CNTNAP4: variants seen among roughly 807,000 people sequenced by gnomAD.
CNTNAP4 encodes contactin associated protein family member 4.
CNTNAP4 carries 98 observed loss-of-function variants against 148.4 expected under a neutral mutation model. The observed-to-expected ratio is 0.66, with a 90% CI of 0.56 to 0.78. The LOEUF is 0.78. CNTNAP4 is among the 30% of genes least tolerant of loss of function. The pLI is 0.00. For synonymous variants in CNTNAP4, 730 were observed against 565.1 expected (o/e 1.29, Z -4.14); for missense variants, 1,935 against 1,565.6 (o/e 1.24, Z -3.98).
chr16:76,330,186 G>C (rs1339913535), intron 2 of CNTNAP4, among the ~76,000 whole-genome samples: 2 of 151,922 alleles, frequency 1.3e-5, no homozygotes, highest in Non-Finnish European at 2.9e-5. Context: ...GGTTCCTGGT[G>C]GTTTTTTAAA....
At chr16:76,325,378 C>T (rs941927423) in intron 2 of CNTNAP4, among the ~76,000 whole-genome samples, 1 of 152,074 alleles carries the variant, frequency 6.6e-6, no homozygotes, top group African/African-American at 2.4e-5. Context: ...ATTAAGTATA[C>T]TTAGAATATT....
At chr16:76,306,305 G>C (rs1448639944) in intron 1 of CNTNAP4, among the ~76,000 whole-genome samples, 1 of 152,126 alleles carries the variant, frequency 6.6e-6, no homozygotes, top group Non-Finnish European at 1.5e-5. Context: ...GCAGTTAGTT[G>C]GTTTTGATAT....
intron 1 of CNTNAP4, among the ~76,000 whole-genome samples, chr16:76,296,079 T>A (rs999497695): frequency 9.2e-5 from 14 of 152,216 alleles, no homozygotes; most frequent in African/African-American, 3.4e-4. Flanking sequence ...TTTTTGAGAT[T>A]GTGTGTGATT....
At chr16:76,467,598 C>G in intron 10 of CNTNAP4, 75 bp downstream of exon 10, 1 of 1,186,864 alleles carries the variant, frequency 8.4e-7, no homozygotes, top group South Asian at 1.6e-5. Context: ...ATAAGATGAA[C>G]AATTATTCTT....
intron 21 of CNTNAP4, among the ~76,000 whole-genome samples, chr16:76,542,713 T>C (rs866460581): frequency 1.3e-5 from 2 of 152,176 alleles, no homozygotes; most frequent in Non-Finnish European, 2.9e-5. Context: ...CACTTAAGCC[T>C]ACCTGCCACA....
rs144797032 is a variant in CNTNAP4, at chr16:76,436,989, C to CTATCTATCTATTTATCTATT, written c.538+9396_538+9397insTCTATTTATCTATTTATCTA. ...TCTATCTATCTATCTATCTATCTGT[C>CTATCTATCTATTTATCTATT]TATCTAGGAGTTTATTAAGGAGTAT... On this transcript the variant is annotated intron_variant, in intron 4 of 23. Coordinates refer to ENST00000611870, the MANE Select transcript of CNTNAP4 (RefSeq NM_033401.5). 2.3e-3 allele frequency among the ~76,000 whole-genome samples: 348 copies of CTATCTATCTATTTATCTATT among 151,412 alleles called. 8 individuals are homozygous for CTATCTATCTATTTATCTATT. Among genetic ancestry groups the CTATCTATCTATTTATCTATT allele is most frequent in the Admixed American group, 0.018 (269 of 15,184 alleles).
At chr16:76,312,111 C>G (rs755382129) in intron 1 of CNTNAP4, among the ~76,000 whole-genome samples, 34 of 152,054 alleles carry the variant, frequency 2.2e-4, no homozygotes, top group Non-Finnish European at 4.9e-4. Context: ...GTTGCTTTAC[C>G]AGATTCTAGA....
intron 8 of CNTNAP4, among the ~76,000 whole-genome samples, chr16:76,453,214 A>G (rs2080585977): frequency 6.6e-6 from 1 of 152,200 alleles, no homozygotes; most frequent in African/African-American, 2.4e-5. Context: ...ATATCTCTGT[A>G]TGAGTGTACA....
chr16:76,492,430 A>G (rs1160924095), intron 13 of CNTNAP4, among the ~76,000 whole-genome samples: 1 of 152,230 alleles, frequency 6.6e-6, no homozygotes, highest in Non-Finnish European at 1.5e-5. Context: ...AGAAAATACA[A>G]AAGAAGGATG....
chr16:76,534,222 A>G (rs1188152665), intron 17 of CNTNAP4, among the ~76,000 whole-genome samples: 3 of 152,214 alleles, frequency 2.0e-5, no homozygotes, highest in African/African-American at 4.8e-5. Flanking sequence ...GATGGATTTC[A>G]TAGTTATAAC....
intron 1 of CNTNAP4, among the ~76,000 whole-genome samples, chr16:76,303,354 C>A (rs1043265822): frequency 8.5e-5 from 13 of 152,126 alleles, no homozygotes; most frequent in African/African-American, 2.9e-4. Context: ...CAAATAACAA[C>A]TCTTAAAATA....
chr16:76,425,469 C>G (rs1417167296), intron 3 of CNTNAP4, among the ~76,000 whole-genome samples: 1 of 152,090 alleles, frequency 6.6e-6, no homozygotes, highest in African/African-American at 2.4e-5. Context: ...CACAATAAAC[C>G]TCCCTGCTTT....
chr16:76,486,173 A>G (rs1019122151), intron 12 of CNTNAP4, among the ~76,000 whole-genome samples: 2 of 152,166 alleles, frequency 1.3e-5, no homozygotes, highest in African/African-American at 4.8e-5. Context: ...TTTTCTGCCT[A>G]TTTCAGCCAT....
intron 3 of CNTNAP4, among the ~76,000 whole-genome samples, chr16:76,412,385 A>T (rs1002541143): frequency 6.6e-6 from 1 of 151,382 alleles, no homozygotes; most frequent in Admixed American, 6.6e-5. Flanking sequence ...GGAATTGCCA[A>T]CTCATAAAAA....
intron 21 of CNTNAP4, among the ~76,000 whole-genome samples, chr16:76,549,130 G>T (rs7192721): frequency 0.32 from 48,577 of 151,840 alleles, 8,075 homozygotes; most frequent in African/African-American, 0.42. Flanking sequence ...CTTCTGGGTT[G>T]GAAGGAAGTC....
intron 17 of CNTNAP4, among the ~76,000 whole-genome samples, chr16:76,529,246 TTG>T (rs756488063): frequency 1.3e-5 from 2 of 151,550 alleles, no homozygotes; most frequent in Non-Finnish European, 1.5e-5. Flanking sequence ...ACTTTGTCCT[TTG>T]TGTGTGTGTG....
At chr16:76,369,079 C>A (rs2014497405) in intron 3 of CNTNAP4, among the ~76,000 whole-genome samples, 1 of 149,804 alleles carries the variant, frequency 6.7e-6, no homozygotes, top group Admixed American at 6.6e-5. Flanking sequence ...TATAAACAGG[C>A]AGTTCATAGA....
chr16:76,505,196 A>G (rs866040341), intron 15 of CNTNAP4, among the ~76,000 whole-genome samples: 4 of 152,198 alleles, frequency 2.6e-5, no homozygotes, highest in Middle Eastern at 6.3e-3. Context: ...ATAGTCCCCT[A>G]AAAATGAAAA....
At chr16:76,550,046 A>C (rs1290883666) in intron 21 of CNTNAP4, among the ~76,000 whole-genome samples, 1 of 152,204 alleles carries the variant, frequency 6.6e-6, no homozygotes, top group Non-Finnish European at 1.5e-5. Context: ...GTATCTTACA[A>C]ATTTTGAAAA....
Sources: allele counts gnomAD v4.1 joint callset (sites outside exome capture counted in the v4.1 genomes callset), GRCh38; gene constraint gnomAD v4.1.1; transcripts MANE v1.5; gene names NCBI Gene and HGNC (gene_info 2026-07-23, HGNC 2026-07-21).